The following LARGE1 variants were observed in gnomAD, a reference collection of about 807,000 sequenced individuals.
LARGE1 encodes LARGE xylosyl- and glucuronyltransferase 1, also known as xylosyl- and glucuronyltransferase LARGE1.
Under a neutral mutation model 87.6 loss-of-function variants are expected in LARGE1, and 43 were observed. The observed-to-expected ratio is 0.49, with a 90% CI of 0.38 to 0.63. The LOEUF (loss-of-function observed/expected upper bound fraction) is 0.63. LARGE1 is among the 30% of genes least tolerant of loss of function. The pLI is 0.00. For missense variants in LARGE1, 802 were observed against 1,000.2 expected (o/e 0.80, Z 2.67); for synonymous variants, 434 against 394.6 (o/e 1.10, Z -1.18).
At chr22:33,513,337 C>G (rs2267223) in intron 6 of LARGE1, among the ~76,000 whole-genome samples, 75,471 of 152,000 alleles carry the variant, frequency 0.5, 19,519 homozygotes, top group Admixed American at 0.6. Context: ...ATAAGAAAAG[C>G]TGCCCAAGTC....
intron 12 of LARGE1, among the ~76,000 whole-genome samples, chr22:33,285,817 G>A (rs5749596): frequency 0.1 from 15,164 of 151,924 alleles, 874 homozygotes; most frequent in African/African-American, 0.15. Context: ...AGTCCCAGAA[G>A]GACACAGGAC....
downstream of LARGE1, among the ~76,000 whole-genome samples, chr22:33,267,845 C>G (rs991103971): frequency 6.6e-6 from 1 of 151,506 alleles, no homozygotes; most frequent in East Asian, 1.9e-4. Flanking sequence ...GGAAAGGAAC[C>G]AAGTCACTTA....
chr22:33,397,810 C>T (rs1262077020), intron 7 of LARGE1, among the ~76,000 whole-genome samples: 1 of 152,160 alleles, frequency 6.6e-6, no homozygotes, highest in Non-Finnish European at 1.5e-5. Context: ...GGCATTGTCT[C>T]AATTTTTGCA....
chr22:33,758,808 G>C (rs139668054), intron 2 of LARGE1, among the ~76,000 whole-genome samples: 40 of 152,220 alleles, frequency 2.6e-4, no homozygotes, highest in African/African-American at 9.6e-4. Flanking sequence ...ATTTGCCTTT[G>C]GTGGCCATCC....
intron 3 of LARGE1, among the ~76,000 whole-genome samples, chr22:33,645,269 G>C (rs1020528721): frequency 6.6e-6 from 1 of 152,132 alleles, no homozygotes; most frequent in African/African-American, 2.4e-5. Flanking sequence ...AAACAGAACA[G>C]AGGCCGCAGA....
At chr22:33,573,198 G>A (rs990893273) in intron 5 of LARGE1, among the ~76,000 whole-genome samples, 2 of 152,162 alleles carry the variant, frequency 1.3e-5, no homozygotes, top group African/African-American at 4.8e-5. Context: ...CAGCACTTTG[G>A]TAGGCCGAGG....
intron 5 of LARGE1, 51 bp downstream of exon 5, chr22:33,604,384 A>G (rs1282062754): frequency 1.2e-6 from 2 of 1,612,782 alleles, no homozygotes; most frequent in South Asian, 1.1e-5. Flanking sequence ...CACAAGTAAT[A>G]ACGCTTCCAG....
At chr22:33,455,913 G>A (rs183785750) in intron 6 of LARGE1, among the ~76,000 whole-genome samples, 106 of 152,202 alleles carry the variant, frequency 7.0e-4, no homozygotes, top group African/African-American at 2.5e-3. Flanking sequence ...TGTGGGTATC[G>A]GGGCTGCAAG....
At chr22:33,399,320 CT>C (rs1298772674) in intron 7 of LARGE1, among the ~76,000 whole-genome samples, 1 of 152,122 alleles carries the variant, frequency 6.6e-6, no homozygotes, top group Non-Finnish European at 1.5e-5. Context: ...TGAACTCATT[CT>C]TTTTTATGGC....
At chr22:33,290,186 T>G (rs1932276497) in intron 12 of LARGE1, among the ~76,000 whole-genome samples, 1 of 152,158 alleles carries the variant, frequency 6.6e-6, no homozygotes, top group Admixed American at 6.5e-5. Flanking sequence ...TCATTCTCTC[T>G]TTTTAACTCC....
chr22:33,584,564 G>GT, intron 5 of LARGE1, among the ~76,000 whole-genome samples: 1 of 152,096 alleles, frequency 6.6e-6, no homozygotes, highest in Non-Finnish European at 1.5e-5. Flanking sequence ...TGACTGATTT[G>GT]TATCTAGGTA....
chr22:33,823,404 G>A (rs954429841), intron 1 of LARGE1, among the ~76,000 whole-genome samples: 6 of 152,200 alleles, frequency 3.9e-5, no homozygotes, highest in Admixed American at 6.5e-5. Context: ...CTGATACAGT[G>A]CCTGGTACAG....
chr22:33,819,061 G>T (rs1287737420), intron 1 of LARGE1, among the ~76,000 whole-genome samples: 2 of 152,158 alleles, frequency 1.3e-5, no homozygotes, highest in African/African-American at 4.8e-5. Flanking sequence ...TTATCATCAT[G>T]CTCAAAAACA....
intron 12 of LARGE1, among the ~76,000 whole-genome samples, chr22:33,289,079 C>T (rs1932068253): frequency 6.6e-6 from 1 of 152,084 alleles, no homozygotes. Context: ...CTGCCTCAGC[C>T]TCCCAAGTAG....
chr22:33,111,231 C>T, the LARGE1 span, among the ~76,000 whole-genome samples: 1 of 152,012 alleles, frequency 6.6e-6, no homozygotes, highest in East Asian at 1.9e-4. Flanking sequence ...CTCTGAAGCC[C>T]ATTTCTGGAA....
At chr22:33,917,595 A>G (rs73408412) in intron 1 of LARGE1, among the ~76,000 whole-genome samples, 3,243 of 152,314 alleles carry the variant, frequency 0.021, 134 homozygotes, top group African/African-American at 0.075. Context: ...ACCAAACACC[A>G]AAAGTGTTGA....
intron 11 of LARGE1, among the ~76,000 whole-genome samples, chr22:33,221,186 A>AGAGC: frequency 6.6e-6 from 1 of 152,064 alleles, no homozygotes; most frequent in Admixed American, 6.5e-5. Context: ...AGAGAGAGAG[A>AGAGC]GGGAATAACA....
At chr22:33,452,622 G>C (rs1406358863) in intron 6 of LARGE1, among the ~76,000 whole-genome samples, 2 of 152,204 alleles carry the variant, frequency 1.3e-5, no homozygotes, top group African/African-American at 4.8e-5. Context: ...GGCCACTTGA[G>C]AATGAATCGG....
chr22:33,393,428 C>A (rs183093565), intron 7 of LARGE1, among the ~76,000 whole-genome samples: 2 of 152,362 alleles, frequency 1.3e-5, no homozygotes, highest in African/African-American at 2.4e-5. Context: ...CTAATTCCCA[C>A]TGGATTTAAT....
Sources: allele counts gnomAD v4.1 joint callset (sites outside exome capture counted in the v4.1 genomes callset), GRCh38; gene constraint gnomAD v4.1.1; transcripts MANE v1.5; gene names NCBI Gene and HGNC (gene_info 2026-07-23, HGNC 2026-07-21).